DCAF8L1: variants seen among roughly 807,000 people sequenced by gnomAD.
DCAF8L1 encodes the protein DDB1 and CUL4 associated factor 8 like 1, also known as DDB1- and CUL4-associated factor 8-like protein 1.
For missense variants in DCAF8L1, 434 were observed against 481.6 expected (o/e 0.90, Z 0.92); for synonymous variants, 217 against 186.8 (o/e 1.16, Z -1.32).
rs148833488 is a variant in DCAF8L1, at chrX:27,980,716, G to A, written c.619C>T (p.Arg207Cys). 12 of 1,210,841 alleles carry A rather than the reference G, an allele frequency of 9.9e-6. No homozygotes were observed. Among genetic ancestry groups the A allele is most frequent in the Admixed American group, 6.5e-5 (3 of 45,947 alleles). Residue 207 changes from arginine (R) to cysteine (C), a missense_variant, in exon 1 of 1, where the codon CGT becomes TGT. Transcript: ENST00000441525. Reference sequence around the variant, plus strand: ...CCGCTACTGGCCAGTCGGGTGCCACGCTGGTTAAAGTGTATGGTACTGACA... The same window carrying A: ...CCGCTACTGGCCAGTCGGGTGCCACACTGGTTAAAGTGTATGGTACTGACA... ...GSVSTIHFNQ[R>C]GTRLASSGDD...
Position 27,979,352 on chromosome X carries a change from A to G in DCAF8L1, c.*180T>C, listed in dbSNP as rs1462844176. ...CAAAATTATGCAATTTTAGAGGTCAATTATAAGGGAACAAAGGAAAAGAGG... is the reference window on the plus strand; with the variant it reads ...CAAAATTATGCAATTTTAGAGGTCAGTTATAAGGGAACAAAGGAAAAGAGG... On this transcript the variant is annotated 3_prime_UTR_variant, in exon 1 of 1. Coordinates refer to ENST00000441525, the MANE Select transcript of DCAF8L1 (RefSeq NM_001017930.2). The G allele has an allele frequency of 5.4e-6, 3 of 556,026 alleles. No individual in the cohort carries two copies. The highest frequency in any genetic ancestry group is 7.7e-6 in the Non-Finnish European group (3 of 390,074). The allele number at this position is 556,026 out of a possible 1,213,427, so 45.8% of individuals were successfully genotyped here.
rs1252455129 is a variant in DCAF8L1, at chrX:27,979,802, T to C, written c.1533A>G (p.Thr511=). The stretch of plus-strand genomic sequence containing the variant: ...CAGTAAGCTCAGTGGCAGTTTTAGC[T>C]GTGGGTGTCCAGATCCTGACATGCT... ...LDQHVRIWTP[T]AKTATELTGL... Residue 511 remains threonine (T), a synonymous_variant, in exon 1 of 1, where the codon ACA becomes ACG. Transcript: ENST00000441525. 2.5e-6 allele frequency: 3 copies of C among 1,208,695 alleles called. No individual in the cohort carries two copies. Among genetic ancestry groups the C allele is most frequent in the Admixed American group, 4.4e-5 (2 of 45,515 alleles).
Position 27,980,079 on chromosome X carries a change from G to A in DCAF8L1, c.1256C>T (p.Ser419Phe). The A allele has an allele frequency of 8.3e-7, 1 of 1,211,522 alleles. No homozygotes were observed. Among genetic ancestry groups the A allele is most frequent in the Admixed American group, 2.2e-5 (1 of 45,958 alleles). The change falls in exon 1 of 1, where the codon TCC becomes TTC. Residue 419 changes from serine to phenylalanine, a missense_variant. Transcript: ENST00000441525. ...ATATTGAGCACCATCACTGAGAGAG[G>A]AGTTGAAGAGGTAAATATCTTCATC... ...YNDEDIYLFN[S>F]SLSDGAQYVK...
rs1236391682 is a variant in DCAF8L1, at chrX:27,978,624, C to T, written c.*908G>A. On this transcript the variant is annotated 3_prime_UTR_variant, in exon 1 of 1. Transcript: ENST00000441525. ...TGATTAAATTTAATTTAGTTCTTAC[C>T]AGCTTCAGTGTGCTCAAATTAATCA... 3 of 209,293 alleles carry T rather than the reference C, an allele frequency of 1.4e-5. No individual in the cohort carries two copies. The highest frequency in any genetic ancestry group is 1.7e-5 in the Non-Finnish European group (2 of 114,685). The allele number at this position is 209,293 out of a possible 1,213,427, so 17.2% of individuals were successfully genotyped here. A position where few individuals can be genotyped will look rare whatever the true frequency, so the allele number is the denominator to read the frequency against.
rs751297172 is a variant in DCAF8L1, at chrX:27,980,943, C to T, written c.392G>A (p.Cys131Tyr). ...PRCGGTNHDQ[C>Y]LLDEDQALEE... is the part of the protein sequence containing the mutation. ...CAACGCCTGATCCTCGTCTAACAAA[C>T]ACTGATCATGGTTGGTGCCACCGCA... The change falls in exon 1 of 1, where the codon TGT (cysteine) becomes TAT (tyrosine). Residue 131 changes from cysteine (C) to tyrosine (Y), a missense_variant. Coordinates refer to ENST00000441525, the MANE Select transcript of DCAF8L1 (RefSeq NM_001017930.2). The T allele has an allele frequency of 4.1e-6, 5 of 1,211,923 alleles. 1 individual carries two copies. The highest frequency in any genetic ancestry group is 3.5e-5 in the South Asian group (2 of 56,987).
rs769296322 is a variant in DCAF8L1, at chrX:27,980,042, A to G, written c.1293T>C (p.Tyr431=). 5.0e-6 allele frequency: 6 copies of G among 1,211,289 alleles called. No individual in the cohort carries two copies. The highest frequency in any genetic ancestry group is 6.7e-6 in the Non-Finnish European group (6 of 895,460). Residue 431 remains tyrosine (Y), a synonymous_variant, in exon 1 of 1, where the codon TAT becomes TAC. Coordinates refer to ENST00000441525, the MANE Select transcript of DCAF8L1 (RefSeq NM_001017930.2). The stretch of plus-strand genomic sequence containing the variant: ...TTGTGTCATTATTTCTGTGCCCCTT[A>G]TATCTCTTAACATATTGAGCACCAT... ...LSDGAQYVKR[Y]KGHRNNDTIK...
chrX:27,979,764 A>G lies in DCAF8L1; in HGVS notation c.1571T>C (p.Val524Ala), dbSNP rs752458196. The G allele has an allele frequency of 4.1e-6, 5 of 1,209,847 alleles. No individual in the cohort carries two copies. In the African/African-American group the frequency reaches 5.2e-5, roughly 13 times the overall value. ...TATELTGLKD[V>A]IKKNKQERDE... ...TCGCTCCTGCTTGTTCTTCTTAATC[A>G]CATCTTTTAACCCAGTAAGCTCAGT... Residue 524 changes from valine (V) to alanine (A), a missense_variant, in exon 1 of 1, where the codon GTG (valine) becomes GCG (alanine). Coordinates refer to ENST00000441525, the MANE Select transcript of DCAF8L1 (RefSeq NM_001017930.2).
Position 27,979,886 on chromosome X carries a change from T to G in DCAF8L1, c.1449A>C (p.Ile483=), listed in dbSNP as rs1399257589. 1 of 1,210,089 alleles carries G rather than the reference T, an allele frequency of 8.3e-7. No individual in the cohort carries two copies. Among genetic ancestry groups the G allele is most frequent in the African/African-American group, 1.7e-5 (1 of 57,555 alleles). ...IQFMEGDRGD[I]VNCLEPHPYL... Reference sequence around the variant, plus strand: ...AAGGGTGGGGTTCAAGACAGTTTACTATATCTCCTCTGTCCCCCTCCATGA... The same window carrying G: ...AAGGGTGGGGTTCAAGACAGTTTACGATATCTCCTCTGTCCCCCTCCATGA... The change falls in exon 1 of 1, where the codon ATA becomes ATC. Residue 483 remains isoleucine (I), a synonymous_variant. Coordinates refer to ENST00000441525, the MANE Select transcript of DCAF8L1 (RefSeq NM_001017930.2).
chrX:27,979,637 A>G lies in DCAF8L1; in HGVS notation c.1698T>C (p.Asp566=), dbSNP rs1196376515. 2 of 1,209,981 alleles carry G rather than the reference A, an allele frequency of 1.7e-6. No homozygotes were observed. The highest frequency in any genetic ancestry group is 1.1e-6 in the Non-Finnish European group (1 of 895,277). ...LQRAHQPGWR[D]HGAEFPDEEE... ...CTTCATCTGGGAACTCAGCTCCATG[A>G]TCTCTCCAGCCGGGTTGATGAGCTC... The change falls in exon 1 of 1, where the codon GAT becomes GAC. Residue 566 remains aspartate (D), a synonymous_variant. Coordinates refer to ENST00000441525, the MANE Select transcript of DCAF8L1 (RefSeq NM_001017930.2).
rs1310358832 is a variant in DCAF8L1 at position 27,980,815 on chromosome X, A to G, written c.520T>C (p.Tyr174His). 1 of 1,208,839 alleles carries G rather than the reference A, an allele frequency of 8.3e-7. No homozygotes were observed. Among genetic ancestry groups the G allele is most frequent in the Non-Finnish European group, 1.1e-6 (1 of 894,430 alleles). The change falls in exon 1 of 1, where the codon TAT (tyrosine) becomes CAT (histidine). Residue 174 changes from tyrosine (Y) to histidine (H), a missense_variant. Coordinates refer to ENST00000441525, the MANE Select transcript of DCAF8L1 (RefSeq NM_001017930.2). ...AAGGTTCTTGCCCCACAGGCCTCAT[A>G]TACAAAGCGGGCACTTGAACCCAGC... ...RQLGSSARFV[Y>H]EACGARTFVQ...
chrX:27,979,630 C>A lies in DCAF8L1; in HGVS notation c.1705G>T (p.Ala569Ser). The A allele has an allele frequency of 8.3e-7, 1 of 1,211,949 alleles. No homozygotes were observed. The highest frequency in any genetic ancestry group is 1.1e-6 in the Non-Finnish European group (1 of 895,589). The change falls in exon 1 of 1, where the codon GCT becomes TCT. Residue 569 changes from alanine (A) to serine (S), a missense_variant. Transcript: ENST00000441525. ...AHQPGWRDHG[A>S]EFPDEEELDE... ...AACTCTTCTTCATCTGGGAACTCAG[C>A]TCCATGATCTCTCCAGCCGGGTTGA... is the stretch of plus-strand genomic sequence containing the variant.
rs965682160 is a variant in DCAF8L1 at position 27,978,774 on chromosome X, G to A, written c.*758C>T. On this transcript the variant is annotated 3_prime_UTR_variant, in exon 1 of 1. Coordinates refer to ENST00000441525, the MANE Select transcript of DCAF8L1 (RefSeq NM_001017930.2). ...TTGTTTTCCTTTTCTAAGGCTCTGT[G>A]TGTATGTGTGTGTGCATAGCTGGCC... 1.5e-6 allele frequency: 1 copy of A among 687,332 alleles called. No homozygotes were observed. The highest frequency in any genetic ancestry group is 2.2e-6 in the Non-Finnish European group (1 of 449,605). The allele number at this position is 687,332 out of a possible 1,213,427, so 56.6% of individuals were successfully genotyped here. A position where few individuals can be genotyped will look rare whatever the true frequency, so the allele number is the denominator to read the frequency against.
Position 27,979,022 on chromosome X carries a change from T to C in DCAF8L1, c.*510A>G, listed in dbSNP as rs140171508. 1,881 of 438,467 alleles carry C rather than the reference T, an allele frequency of 4.3e-3. 25 individuals are homozygous for C. Among genetic ancestry groups the C allele is most frequent in the African/African-American group, 0.037 (1,511 of 40,755 alleles). The allele number at this position is 438,467 out of a possible 1,213,427, so 36.1% of individuals were successfully genotyped here. On this transcript the variant is annotated 3_prime_UTR_variant, in exon 1 of 1. Coordinates refer to ENST00000441525, the MANE Select transcript of DCAF8L1 (RefSeq NM_001017930.2). ...GATTGTATACAGTCCCACTTTCTTATTCTTCTCTCTTGTTACTACAACTTT... is the reference window on the plus strand; with the variant it reads ...GATTGTATACAGTCCCACTTTCTTACTCTTCTCTCTTGTTACTACAACTTT...
rs1238280530 is a variant in DCAF8L1 at position 27,981,009 on chromosome X, T to C, written c.326A>G (p.Glu109Gly). ...AGGCTGTTCTTCCTCCTCCCCTTCC[T>C]CCTCCATCTCTTCTTCTTCCTCCTC... ...EREEEEEEME[E>G]EGEEEEQPRM... The change falls in exon 1 of 1, where the codon GAG (glutamate) becomes GGG (glycine). Residue 109 changes from glutamate to glycine, a missense_variant. Glu to Gly is a moderately conservative substitution (Grantham distance 98). Coordinates refer to ENST00000441525, the MANE Select transcript of DCAF8L1 (RefSeq NM_001017930.2). The C allele has an allele frequency of 8.3e-7, 1 of 1,211,661 alleles. No individual in the cohort carries two copies. Among genetic ancestry groups the C allele is most frequent in the Admixed American group, 2.2e-5 (1 of 46,046 alleles).
rs1310904525 is a variant in DCAF8L1, at chrX:27,980,134, C to T, written c.1201G>A (p.Asp401Asn). The change falls in exon 1 of 1, where the codon GAT becomes AAT. Residue 401 changes from aspartate (D) to asparagine (N), a missense_variant. Asp to Asn is a conservative substitution (Grantham distance 23). Coordinates refer to ENST00000441525, the MANE Select transcript of DCAF8L1 (RefSeq NM_001017930.2). ...TAGCTGGCCAGGAGCTCTGTGCCAT[C>T]GTGGCTGTACACAACGCAGGTGATG... ...TNITCVVYSHDGTELLASYND... is the reference protein window; with the variant it reads ...TNITCVVYSHNGTELLASYND... 1 of 1,211,662 alleles carries T rather than the reference C, an allele frequency of 8.3e-7. No homozygotes were observed. Among genetic ancestry groups the T allele is most frequent in the Non-Finnish European group, 1.1e-6 (1 of 895,564 alleles).
rs138650117 is a variant in DCAF8L1, at chrX:27,979,989, C to T, written c.1346G>A (p.Arg449Gln). 4.1e-5 allele frequency: 49 copies of T among 1,208,631 alleles called. No individual in the cohort carries two copies. The highest frequency in any genetic ancestry group is 6.6e-5 in the Admixed American group (3 of 45,524). The change falls in exon 1 of 1, where the codon CGG (arginine) becomes CAG (glutamine). Residue 449 changes from arginine to glutamine, a missense_variant. Arg to Gln is a conservative substitution (Grantham distance 43). Coordinates refer to ENST00000441525, the MANE Select transcript of DCAF8L1 (RefSeq NM_001017930.2). ...ACTACCGCTCACGACAAACTCACTC[C>T]GGGGGCCATAGAAATTAACACATTT... The part of the protein sequence containing the change: ...TIKCVNFYGP[R>Q]SEFVVSGSDC...
At position 27,981,433 on chromosome X, in the gene DCAF8L1, G is replaced by A; in HGVS notation, c.-99C>T. 4.7e-6 allele frequency: 5 copies of A among 1,071,473 alleles called. No individual in the cohort carries two copies. The highest frequency in any genetic ancestry group is 6.2e-6 in the Non-Finnish European group (5 of 801,851). The allele number at this position is 1,071,473 out of a possible 1,213,427, so 88.3% of individuals were successfully genotyped here. ...CCTGCCCCGAGGACGGACGGTCGGA[G>A]AAGGCAGTAGGTAAGCAGCAAAGAG... On this transcript the variant is annotated 5_prime_UTR_variant, in exon 1 of 1. Coordinates refer to ENST00000441525, the MANE Select transcript of DCAF8L1 (RefSeq NM_001017930.2).
In DCAF8L1 at chrX:27,981,185, A is replaced by G. The variant is rs1267437752; in HGVS notation, c.150T>C (p.Asp50=). 8 of 1,211,335 alleles carry G rather than the reference A, an allele frequency of 6.6e-6. No individual in the cohort carries two copies. Among genetic ancestry groups the G allele is most frequent in the Middle Eastern group, 2.3e-4 (1 of 4,351 alleles). Residue 50 remains aspartate, a synonymous_variant, in exon 1 of 1, where the codon GAT becomes GAC. Transcript: ENST00000441525. Reference sequence around the variant, plus strand: ...AACCACCATCCCTGGTATCACCACCATCTCCGGTCGATGGCTCTGTGGCTG... The same window carrying G: ...AACCACCATCCCTGGTATCACCACCGTCTCCGGTCGATGGCTCTGTGGCTG... ...EMAATEPSTG[D]GGDTRDGGFL...
Position 27,979,741 on chromosome X carries a change from G to A in DCAF8L1, c.1594C>T (p.Arg532Ter). The A allele has an allele frequency of 1.7e-6, 2 of 1,210,124 alleles. No homozygotes were observed. Among genetic ancestry groups the A allele is most frequent in the Non-Finnish European group, 2.2e-6 (2 of 894,744 alleles). The change falls in exon 1 of 1, where the codon CGA becomes TGA. Residue 532 changes from arginine (R) to a stop codon, truncating the protein, a stop_gained. Transcript: ENST00000441525. LOFTEE classifies it low-confidence loss of function (END_TRUNC). The part of the protein sequence containing the change: ...KDVIKKNKQE[R>*]DEDNLNYTDS... ...GTATAGTTCAAGTTGTCTTCATCTC[G>A]CTCCTGCTTGTTCTTCTTAATCACA...
Sources: gnomAD v4.1 joint callset for allele counts on GRCh38, gnomAD v4.1.1 for gene constraint, MANE v1.5 for transcripts, NCBI Gene and HGNC (gene_info 2026-07-23, HGNC 2026-07-21) for gene names.